The following CNTNAP2 variants were observed in gnomAD, a reference collection of about 807,000 sequenced individuals.
The protein encoded by CNTNAP2 is contactin associated protein 2.
A neutral mutation model predicts 155.2 loss-of-function variants in CNTNAP2; 98 were observed. That is an observed-to-expected ratio of 0.63 (90% CI 0.54 to 0.75). The LOEUF (loss-of-function observed/expected upper bound fraction) is 0.75, where lower values mean the gene tolerates loss of function less well. CNTNAP2 is among the 30% of genes least tolerant of loss of function. The pLI, the probability that CNTNAP2 is intolerant of heterozygous loss-of-function variation, is 0.00. For synonymous variants in CNTNAP2, 651 were observed against 631.2 expected (o/e 1.03, Z -0.47); for missense variants, 1,727 against 1,688.1 (o/e 1.02, Z -0.40).
At chr7:147,133,747 T>C (rs961020122) in intron 8 of CNTNAP2, among the ~76,000 whole-genome samples, 1 of 152,086 alleles carries the variant, frequency 6.6e-6, no homozygotes, top group African/African-American at 2.4e-5. Flanking sequence ...GTATGGTCTA[T>C]TACTGAAAAG....
chr7:147,458,907 T>C (rs1267717003), intron 10 of CNTNAP2, among the ~76,000 whole-genome samples: 1 of 152,238 alleles, frequency 6.6e-6, no homozygotes, highest in Non-Finnish European at 1.5e-5. Flanking sequence ...TCATTTCTCA[T>C]ATGTATTTCA....
intron 13 of CNTNAP2, among the ~76,000 whole-genome samples, chr7:147,792,130 C>T (rs1036325975): frequency 2.6e-5 from 4 of 152,184 alleles, no homozygotes; most frequent in African/African-American, 9.6e-5. Flanking sequence ...AATCTTTCTC[C>T]ACGTATTATA....
At chr7:146,500,857 G>A (rs972122429) in intron 1 of CNTNAP2, among the ~76,000 whole-genome samples, 1 of 152,058 alleles carries the variant, frequency 6.6e-6, no homozygotes, top group African/African-American at 2.4e-5. Context: ...ACTATGAGTT[G>A]TTCATTGTTG....
intron 22 of CNTNAP2, among the ~76,000 whole-genome samples, chr7:148,393,209 C>T (rs1799392241): frequency 6.6e-6 from 1 of 152,164 alleles, no homozygotes; most frequent in South Asian, 2.1e-4. Context: ...ATCATTCCTG[C>T]TCTTATAATT....
intron 1 of CNTNAP2, among the ~76,000 whole-genome samples, chr7:146,134,922 T>A (rs1241102470): frequency 6.6e-6 from 1 of 151,788 alleles, no homozygotes; most frequent in Admixed American, 6.6e-5. Context: ...GATGCTGGCC[T>A]CATAAAATGA....
intron 9 of CNTNAP2, among the ~76,000 whole-genome samples, chr7:147,329,419 T>C (rs964915844): frequency 1.1e-4 from 16 of 152,076 alleles, no homozygotes; most frequent in African/African-American, 3.6e-4. Flanking sequence ...TTTATAAGAA[T>C]GATAAAAGAT....
chr7:148,058,446 G>C (rs766830550), intron 15 of CNTNAP2, among the ~76,000 whole-genome samples: 10 of 152,174 alleles, frequency 6.6e-5, no homozygotes, highest in Non-Finnish European at 1.0e-4. Flanking sequence ...GCTTGTAGGA[G>C]ATGAGGATGC....
chr7:147,418,469 G>C (rs949647140), intron 10 of CNTNAP2, among the ~76,000 whole-genome samples: 1 of 152,136 alleles, frequency 6.6e-6, no homozygotes, highest in Non-Finnish European at 1.5e-5. Flanking sequence ...GAATGTCTGG[G>C]CTTGTTCATC....
chr7:146,781,237 A>AAC lies in CNTNAP2; in HGVS notation c.208+6857_208+6858insCA, dbSNP rs1291913547. On this transcript the variant is annotated intron_variant, in intron 2 of 23. Coordinates refer to ENST00000361727, the MANE Select transcript of CNTNAP2 (RefSeq NM_014141.6). ...AGCGAGACTCCATCTCAAAAAAAAA[A>AAC]AAACAAAAAAAAAACACCCTAGGTG... Among the ~76,000 whole-genome samples, 6 of 151,542 alleles carry AAC rather than the reference A, an allele frequency of 4.0e-5. No homozygotes were observed. The South Asian group carries it at 1.0e-3, about 26-fold the overall frequency.
At chr7:146,748,346 C>T (rs970250004) in intron 1 of CNTNAP2, among the ~76,000 whole-genome samples, 4 of 151,984 alleles carry the variant, frequency 2.6e-5, no homozygotes, top group East Asian at 1.9e-4. Context: ...GGGGTTTCAC[C>T]GTGTTAGCCA....
intron 1 of CNTNAP2, among the ~76,000 whole-genome samples, chr7:146,206,616 C>G (rs993577417): frequency 6.6e-6 from 1 of 151,914 alleles, no homozygotes; most frequent in African/African-American, 2.4e-5. Context: ...CACCATTTCT[C>G]TTTTATAAGC....
At chr7:147,063,438 G>A (rs112304938) in intron 4 of CNTNAP2, among the ~76,000 whole-genome samples, 35 of 152,218 alleles carry the variant, frequency 2.3e-4, no homozygotes, top group African/African-American at 6.0e-4. Context: ...ACACACTTGG[G>A]TTCCTTTCCA....
chr7:147,763,655 G>C (rs1797342194), intron 13 of CNTNAP2, among the ~76,000 whole-genome samples: 1 of 152,140 alleles, frequency 6.6e-6, no homozygotes, highest in African/African-American at 2.4e-5. Context: ...GAACTGGAAA[G>C]GGGGTCAGAA....
chr7:146,217,518 A>C (rs1168651883), intron 1 of CNTNAP2, among the ~76,000 whole-genome samples: 1 of 152,182 alleles, frequency 6.6e-6, no homozygotes, highest in African/African-American at 2.4e-5. Context: ...CACACGTATT[A>C]ATACTTAGAA....
At chr7:146,446,285 T>C (rs1457933324) in intron 1 of CNTNAP2, among the ~76,000 whole-genome samples, 1 of 152,144 alleles carries the variant, frequency 6.6e-6, no homozygotes, top group Admixed American at 6.5e-5. Context: ...AGTTGCTACA[T>C]TGTTATTAAG....
At chr7:146,364,462 T>C (rs916150972) in intron 1 of CNTNAP2, among the ~76,000 whole-genome samples, 2 of 152,170 alleles carry the variant, frequency 1.3e-5, no homozygotes, top group Non-Finnish European at 2.9e-5. Flanking sequence ...TTCAATTGCT[T>C]TAGAGGCAGT....
intron 21 of CNTNAP2, among the ~76,000 whole-genome samples, chr7:148,288,655 A>AT (rs1313355258): frequency 1.3e-5 from 2 of 152,334 alleles, no homozygotes; most frequent in East Asian, 3.9e-4. Flanking sequence ...CAGATTATAT[A>AT]TTACCTAATA....
intron 13 of CNTNAP2, among the ~76,000 whole-genome samples, chr7:147,716,434 C>A (rs1215305623): frequency 6.6e-6 from 1 of 152,064 alleles, no homozygotes; most frequent in Non-Finnish European, 1.5e-5. Flanking sequence ...CACAAAAAAA[C>A]TGGTTAGGAC....
At chr7:146,531,453 G>A (rs1267087677) in intron 1 of CNTNAP2, among the ~76,000 whole-genome samples, 2 of 152,026 alleles carry the variant, frequency 1.3e-5, no homozygotes, top group African/African-American at 4.8e-5. Context: ...TGAAATATAT[G>A]GTCTTCTAAA....
Sources: allele counts gnomAD v4.1 joint callset (sites outside exome capture counted in the v4.1 genomes callset), GRCh38; gene constraint gnomAD v4.1.1; transcripts MANE v1.5; gene names NCBI Gene and HGNC (gene_info 2026-07-23, HGNC 2026-07-21).